The following HPRT1 variants were observed in gnomAD, a reference collection of about 807,000 sequenced individuals.
HPRT1 encodes the protein hypoxanthine-guanine phosphoribosyltransferase.
Under a neutral mutation model 19.0 loss-of-function variants are expected in HPRT1, and 4 were observed. The observed-to-expected ratio is 0.21, with a 90% CI of 0.10 to 0.48. The LOEUF (loss-of-function observed/expected upper bound fraction) is 0.48. Ranked by LOEUF, HPRT1 falls within the 20% of genes least tolerant of loss-of-function variation. The pLI is 0.98. For synonymous variants in HPRT1, 53 were observed against 54.9 expected, an observed-to-expected ratio of 0.97 and a Z score of 0.15; for missense variants, 65 against 164.0, an observed-to-expected ratio of 0.40 and a Z score of 3.30.
Position 134,460,311 on chromosome X carries a change from T to A in HPRT1, c.-1T>A. The A allele has an allele frequency of 8.8e-7, 1 of 1,132,663 alleles. No individual in the cohort carries two copies. Among genetic ancestry groups the A allele is most frequent in the Non-Finnish European group, 1.2e-6 (1 of 860,351 alleles). The allele number at this position is 1,132,663 out of a possible 1,213,427, so 93.3% of individuals were successfully genotyped here. Reference sequence around the variant, plus strand: ...CAGCCCGCGCGCCGGCCGGCTCCGTTATGGCGACCCGCAGCCCTGGCGTCG... The same window carrying A: ...CAGCCCGCGCGCCGGCCGGCTCCGTAATGGCGACCCGCAGCCCTGGCGTCG... On this transcript the variant is annotated 5_prime_UTR_variant, in exon 1 of 9. Transcript: ENST00000298556.
chrX:134,470,258 G>A (rs766328624), intron 1 of HPRT1, among the ~76,000 whole-genome samples: 6 of 111,844 alleles, frequency 5.4e-5, no homozygotes, highest in Non-Finnish European at 7.5e-5. Context: ...CTGGCCATGT[G>A]CACAGGGGCT....
At chrX:134,467,010 TG>T (rs1274369196) in intron 1 of HPRT1, among the ~76,000 whole-genome samples, 1 of 109,654 alleles carries the variant, frequency 9.1e-6, no homozygotes, top group Non-Finnish European at 1.9e-5. Context: ...GTTAGTTGTA[TG>T]TATATATGCC....
At chrX:134,495,498 G>A (rs1602748842) in intron 6 of HPRT1, among the ~76,000 whole-genome samples, 1 of 111,738 alleles carries the variant, frequency 8.9e-6, no homozygotes, top group Admixed American at 9.6e-5. Context: ...TTTCACTGTT[G>A]GTTATAATGT....
intron 3 of HPRT1, among the ~76,000 whole-genome samples, chrX:134,485,569 G>C (rs1049249411): frequency 9.0e-6 from 1 of 111,693 alleles, no homozygotes; most frequent in African/African-American, 3.3e-5. Flanking sequence ...ATCATTTATT[G>C]AATAATTCAT....
chrX:134,463,715 T>A (rs934512290), intron 1 of HPRT1, among the ~76,000 whole-genome samples: 15 of 111,994 alleles, frequency 1.3e-4, no homozygotes, highest in African/African-American at 4.9e-4. Flanking sequence ...AGATAGTAAC[T>A]AGGCCATGTC....
intron 1 of HPRT1, among the ~76,000 whole-genome samples, chrX:134,461,648 A>G (rs1446051798): frequency 1.8e-5 from 2 of 111,957 alleles, no homozygotes; most frequent in African/African-American, 3.2e-5. Context: ...CTGGCGGGGA[A>G]CAGTAATAAT....
At chrX:134,491,049 CTT>C (rs1286017893) in intron 5 of HPRT1, among the ~76,000 whole-genome samples, 1 of 105,340 alleles carries the variant, frequency 9.5e-6, no homozygotes, top group Non-Finnish European at 1.9e-5. Flanking sequence ...AACAGCCTCT[CTT>C]TATATATATA....
At chrX:134,488,059 T>A (rs1477397908) in intron 4 of HPRT1, among the ~76,000 whole-genome samples, 2 of 111,727 alleles carry the variant, frequency 1.8e-5, no homozygotes, top group Non-Finnish European at 3.8e-5. Flanking sequence ...TATGGAAAAA[T>A]CAATAAGTAT....
At chrX:134,491,651 A>G (rs974242449) in intron 5 of HPRT1, among the ~76,000 whole-genome samples, 7 of 110,304 alleles carry the variant, frequency 6.3e-5, no homozygotes, top group Non-Finnish European at 1.3e-4. Context: ...GTCATTTAAG[A>G]CCCAGCTCAA....
intron 1 of HPRT1, among the ~76,000 whole-genome samples, chrX:134,468,547 G>A (rs985152895): frequency 1.7e-4 from 19 of 109,512 alleles, no homozygotes; most frequent in Admixed American, 6.9e-4. Context: ...CCTGAGGTGG[G>A]AAATTCAAGA....
chrX:134,467,718 T>G (rs1452966690), intron 1 of HPRT1, among the ~76,000 whole-genome samples: 1 of 111,483 alleles, frequency 9.0e-6, no homozygotes, highest in African/African-American at 3.3e-5. Context: ...TTTATATTAT[T>G]TCATATCAGT....
intron 6 of HPRT1, among the ~76,000 whole-genome samples, chrX:134,493,923 G>A (rs1195247242): frequency 1.1e-4 from 12 of 111,686 alleles, no homozygotes. Flanking sequence ...ATAGGAAGGG[G>A]TGGGCCCTGA....
chrX:134,465,481 T>TA (rs779676418), intron 1 of HPRT1, among the ~76,000 whole-genome samples: 2 of 111,707 alleles, frequency 1.8e-5, no homozygotes, highest in Non-Finnish European at 3.8e-5. Flanking sequence ...TTTTAAAAAT[T>TA]AAAAAAAATT....
intron 6 of HPRT1, among the ~76,000 whole-genome samples, chrX:134,496,823 T>C (rs933492500): frequency 9.0e-6 from 1 of 111,722 alleles, no homozygotes; most frequent in African/African-American, 3.3e-5. Context: ...CCCGAGTAGG[T>C]GAGTTCTGGT....
intron 4 of HPRT1, 109 bp downstream of exon 4, chrX:134,486,639 G>A (rs1262872966): frequency 1.9e-6 from 1 of 524,719 alleles, no homozygotes; most frequent in Non-Finnish European, 3.4e-6. Flanking sequence ...TAACTAAATG[G>A]GTTATTTAAC....
At chrX:134,469,237 A>G (rs952541189) in intron 1 of HPRT1, among the ~76,000 whole-genome samples, 2 of 111,555 alleles carry the variant, frequency 1.8e-5, no homozygotes, top group African/African-American at 6.5e-5. Flanking sequence ...AGTTGTAACA[A>G]AGTTGTGAAT....
intron 1 of HPRT1, among the ~76,000 whole-genome samples, chrX:134,461,946 C>T (rs887272544): frequency 1.8e-5 from 2 of 111,693 alleles, no homozygotes; most frequent in African/African-American, 6.5e-5. Context: ...GATTTTTCAT[C>T]TCTAAACATC....
rs750762293 is a variant in HPRT1 at position 134,498,426 on chromosome X, T to C, written c.522T>C (p.Tyr174=). The C allele has an allele frequency of 9.2e-6, 11 of 1,200,637 alleles. No individual in the cohort carries two copies. The Admixed American group carries it at 2.4e-4, about 26-fold the overall frequency. The change falls in exon 7 of 9, where the codon TAT becomes TAC. Residue 174 remains tyrosine, a synonymous_variant. Coordinates refer to ENST00000298556, the MANE Select transcript of HPRT1 (RefSeq NM_000194.3). ...LVKRTPRSVG[Y]KPDFVGFEIP... is the part of the protein sequence containing the mutation. ...AAAGGACCCCACGAAGTGTTGGATA[T>C]AAGCCAGACTGTAAGTGAATTACTT...
rs199548463 is a variant in HPRT1 at position 134,494,795 on chromosome X, T to TA, written c.485+1206dup. Among the ~76,000 whole-genome samples, 580 of 111,852 alleles carry TA rather than the reference T, an allele frequency of 5.2e-3. 2 individuals carry two copies. The highest frequency in any genetic ancestry group is 7.7e-3 in the Admixed American group (81 of 10,493). On this transcript the variant is annotated intron_variant, in intron 6 of 8. Coordinates refer to ENST00000298556, the MANE Select transcript of HPRT1 (RefSeq NM_000194.3). Reference sequence around the variant, plus strand: ...GTATTCTTTTGTTGTTCTTTCCTGGTATATGCTGTGGAATTGAGATAGACT... The same window carrying TA: ...GTATTCTTTTGTTGTTCTTTCCTGGTAATATGCTGTGGAATTGAGATAGACT...
Sources: gnomAD v4.1 joint callset for allele counts (sites outside exome capture counted in the v4.1 genomes callset) on GRCh38, gnomAD v4.1.1 for gene constraint, MANE v1.5 for transcripts, NCBI Gene and HGNC (gene_info 2026-07-23, HGNC 2026-07-21) for gene names.